Variants in HEATR6 observed in about 807,000 individuals in gnomAD.
HEATR6 encodes the protein HEAT repeat containing 6.
In HEATR6, 106 loss-of-function variants were observed where a neutral mutation model predicts 132.8. The ratio of observed to expected loss-of-function variants is 0.80; its 90% confidence interval spans 0.68 to 0.94. The LOEUF is 0.94. Ranked by LOEUF, HEATR6 falls within the 40% of genes least tolerant of loss-of-function variation. The pLI, the probability that HEATR6 is intolerant of heterozygous loss-of-function variation, is 0.00. For synonymous variants in HEATR6, 529 were observed against 537.8 expected (o/e 0.98, Z 0.23); for missense variants, 1,339 against 1,425.1 (o/e 0.94, Z 0.97).
At position 60,042,127 on chromosome 17, in the gene HEATR6, G is replaced by A. The variant is rs1017878520; in HGVS notation, c.*1436C>T. On this transcript the variant is annotated 3_prime_UTR_variant, in exon 20 of 20. Transcript: ENST00000184956. ...TCTTAAAGGCACAAATTAAAAGGTGGCAAAACAACCATATATTTAGTGTGT... is the reference window on the plus strand; with the variant it reads ...TCTTAAAGGCACAAATTAAAAGGTGACAAAACAACCATATATTTAGTGTGT... 1.3e-5 allele frequency among the ~76,000 whole-genome samples: 2 copies of A among 152,210 alleles called. No homozygotes were observed. Among genetic ancestry groups the A allele is most frequent in the African/African-American group, 4.8e-5 (2 of 41,450 alleles).
chr17:60,045,964 A>T, intron 19 of HEATR6, 61 bp downstream of exon 19: 1 of 1,202,028 alleles, frequency 8.3e-7, no homozygotes, highest in Non-Finnish European at 1.2e-6. Flanking sequence ...TTTAACAACA[A>T]CGTAGATTGG....
At chr17:60,078,126 G>A (rs1459870993) in intron 1 of HEATR6, among the ~76,000 whole-genome samples, 1 of 152,168 alleles carries the variant, frequency 6.6e-6, no homozygotes, top group Non-Finnish European at 1.5e-5. Flanking sequence ...AGAAGGCCAT[G>A]GTGTCAACAG....
At chr17:60,061,781 C>G (rs1597951962) in intron 9 of HEATR6, among the ~76,000 whole-genome samples, 1 of 152,264 alleles carries the variant, frequency 6.6e-6, no homozygotes, top group Non-Finnish European at 1.5e-5. Context: ...CAGATTTGCC[C>G]TACGGGCCAC....
At chr17:60,078,644 G>C in intron 1 of HEATR6, 52 bp downstream of exon 1, 2 of 1,417,608 alleles carry the variant, frequency 1.4e-6, no homozygotes, top group East Asian at 5.0e-5. Flanking sequence ...CCACCAGCTG[G>C]GTTCCCGGAG....
In HEATR6 at chr17:60,070,730, A is replaced by G; in HGVS notation, c.777T>C (p.Leu259=). ...CCTTTAGCACAGCTAAAAGTGCTCC[A>G]AGTTCATCAGTCTGTGTTAGTTTCA... The part of the protein sequence containing the change: ...GRMKLTQTDE[L]GALLAVLKKF... Residue 259 remains leucine, a synonymous_variant, in exon 6 of 20, where the codon CTT becomes CTC. Transcript: ENST00000184956. The G allele has an allele frequency of 6.2e-7, 1 of 1,604,988 alleles. No homozygotes were observed. The highest frequency in any genetic ancestry group is 8.5e-7 in the Non-Finnish European group (1 of 1,171,708).
intron 1 of HEATR6, 23 bp from the exon 2 acceptor site, chr17:60,076,260 A>G: frequency 7.5e-7 from 1 of 1,339,420 alleles, no homozygotes; most frequent in Non-Finnish European, 1.1e-6. Flanking sequence ...AAAAGATAAG[A>G]GGTAAAATAC....
At chr17:60,044,462 G>C (rs1906296217) in intron 19 of HEATR6, among the ~76,000 whole-genome samples, 1 of 152,186 alleles carries the variant, frequency 6.6e-6, no homozygotes, top group Admixed American at 6.5e-5. Flanking sequence ...GTATGGCTTT[G>C]TGGGCAGAGC....
intron 9 of HEATR6, among the ~76,000 whole-genome samples, chr17:60,060,903 T>G (rs1397942739): frequency 5.9e-5 from 9 of 152,232 alleles, no homozygotes; most frequent in African/African-American, 1.9e-4. Flanking sequence ...TGTCATGGAC[T>G]GCTGTATTTG....
intron 9 of HEATR6, 68 bp downstream of exon 9, chr17:60,066,141 A>G: frequency 7.7e-7 from 1 of 1,301,136 alleles, no homozygotes; most frequent in Non-Finnish European, 1.1e-6. Flanking sequence ...AGGATAAGGC[A>G]GAGATAACAA....
At chr17:60,069,392 T>C (rs1019333393) in intron 7 of HEATR6, among the ~76,000 whole-genome samples, 1 of 152,264 alleles carries the variant, frequency 6.6e-6, no homozygotes, top group African/African-American at 2.4e-5. Context: ...AAGTATTTAC[T>C]AGCCTAGTAG....
rs988452854 is a variant in HEATR6 at position 60,059,494 on chromosome 17, G to A, written c.1651C>T (p.Pro551Ser). Residue 551 changes from proline to serine, a missense_variant, in exon 11 of 20, where the codon CCT (proline) becomes TCT (serine). Transcript: ENST00000184956. The stretch of plus-strand genomic sequence containing the variant: ...AGGCTGAGTTTTAGACGATCATAAG[G>A]TGCATTTGATACTAAATTTGCAAGG... Reference protein sequence around the residue: ...KCLANLVSNAPYDRLKLSLLT... With the variant: ...KCLANLVSNASYDRLKLSLLT... The A allele has an allele frequency of 6.2e-7, 1 of 1,612,880 alleles. No homozygotes were observed. Among genetic ancestry groups the A allele is most frequent in the South Asian group, 1.1e-5 (1 of 90,824 alleles).
intron 9 of HEATR6, among the ~76,000 whole-genome samples, chr17:60,062,382 G>C (rs1044604680): frequency 4.6e-5 from 7 of 152,218 alleles, no homozygotes; most frequent in African/African-American, 1.7e-4. Flanking sequence ...AGAAGTCAGT[G>C]TGCTTGGTTT....
chr17:60,051,474 G>A lies in HEATR6; in HGVS notation c.2290-497C>T, dbSNP rs73994275. Among the ~76,000 whole-genome samples the A allele has an allele frequency of 6.3e-3, 959 of 152,248 alleles. 4 individuals carry two copies. Among genetic ancestry groups the A allele is most frequent in the African/African-American group, 0.015 (636 of 41,526 alleles). On this transcript the variant is annotated intron_variant, in intron 14 of 19. Transcript: ENST00000184956. ...CTAGAATCCAAATCAGTTGACAGTC[G>A]GCTAGGGCTTTTTCAACTACTTTGC...
rs968403599 is a variant in HEATR6 at position 60,059,507 on chromosome 17, T to C, written c.1638A>G (p.Leu546=). ...GACGATCATAAGGTGCATTTGATAC[T>C]AAATTTGCAAGGCACTGTAAAACAC... The part of the protein sequence containing the change: ...VTQIIKCLAN[L]VSNAPYDRLK... The change falls in exon 11 of 20, where the codon TTA becomes TTG. Residue 546 remains leucine (L), a synonymous_variant. Transcript: ENST00000184956. 3 of 1,612,012 alleles carry C rather than the reference T, an allele frequency of 1.9e-6. No individual in the cohort carries two copies. The Admixed American group carries it at 5.0e-5, about 27-fold the overall frequency.
chr17:60,052,924 C>T (rs1598907951), intron 14 of HEATR6, among the ~76,000 whole-genome samples: 1 of 152,182 alleles, frequency 6.6e-6, no homozygotes, highest in African/African-American at 2.4e-5. Flanking sequence ...GATTTTTCAA[C>T]AGCCTTGTGA....
At position 60,057,068 on chromosome 17, in the gene HEATR6, T is replaced by C. The variant is rs771458271; in HGVS notation, c.2059A>G (p.Met687Val). The change falls in exon 12 of 20, where the codon ATG becomes GTG. Residue 687 changes from methionine to valine, a missense_variant. Met to Val is a conservative substitution (Grantham distance 21, BLOSUM62 1). Transcript: ENST00000184956. ...CCTACCTGTAAGGCCTCCAGTCGCA[T>C]GGGGGATGGTTCGTAGGTGCTTCCT... is the stretch of plus-strand genomic sequence containing the variant. ...AAGSTYEPSP[M>V]RLEALQVLTL... 1.4e-5 allele frequency: 22 copies of C among 1,602,212 alleles called. No individual in the cohort carries two copies. Among genetic ancestry groups the C allele is most frequent in the Non-Finnish European group, 1.8e-5 (21 of 1,172,774 alleles).
intron 8 of HEATR6, 64 bp from the exon 9 acceptor site, chr17:60,066,450 A>T: frequency 1.7e-6 from 2 of 1,180,846 alleles, no homozygotes; most frequent in Non-Finnish European, 2.4e-6. Context: ...AAAAATGCAA[A>T]CATGAAATGG....
At chr17:60,067,772 T>A in intron 7 of HEATR6, 40 bp from the exon 8 acceptor site, 1 of 1,501,682 alleles carries the variant, frequency 6.7e-7, no homozygotes, top group South Asian at 1.2e-5. Context: ...TAATAACTAC[T>A]TCAGAATGGC....
chr17:60,047,479 A>T, intron 17 of HEATR6, 74 bp from the exon 18 acceptor site: 1 of 778,930 alleles, frequency 1.3e-6, no homozygotes, highest in South Asian at 2.0e-5. Context: ...AAATATATTC[A>T]ATTAGTATAA....
Sources: allele counts gnomAD v4.1 joint callset (sites outside exome capture counted in the v4.1 genomes callset), GRCh38; gene constraint gnomAD v4.1.1; transcripts MANE v1.5; gene names NCBI Gene and HGNC (gene_info 2026-07-23, HGNC 2026-07-21).